PPP6R3: variants seen among roughly 807,000 people sequenced by gnomAD.
The protein encoded by PPP6R3 is protein phosphatase 6 regulatory subunit 3.
PPP6R3 carries 38 observed loss-of-function variants against 110.7 expected under a neutral mutation model. The ratio of observed to expected loss-of-function variants is 0.34; its 90% CI spans 0.26 to 0.45. The LOEUF is 0.45. Among genes scored for constraint, PPP6R3 ranks in the 20% least tolerant of loss-of-function variants. PPP6R3 has a pLI of 1.00. For synonymous variants in PPP6R3, 369 were observed against 373.5 expected (o/e 0.99, Z 0.14); for missense variants, 870 against 1,062.4 (o/e 0.82, Z 2.52).
In PPP6R3 at chr11:68,613,392, C is replaced by T; in HGVS notation, c.*275C>T. The T allele has an allele frequency of 8.6e-7, 1 of 1,160,056 alleles. No homozygotes were observed. The allele number at this position is 1,160,056 out of a possible 1,614,324, so 71.9% of individuals were successfully genotyped here. A position where few individuals can be genotyped will look rare whatever the true frequency, so the allele number is the denominator to read the frequency against. On this transcript the variant is annotated 3_prime_UTR_variant, in exon 24 of 24. Transcript: ENST00000393800. Reference sequence around the variant, plus strand: ...GCCTGTGAAATAAGATCTTGCCACCCATGTAATAATAGTAGTAATACTATA... The same window carrying T: ...GCCTGTGAAATAAGATCTTGCCACCTATGTAATAATAGTAGTAATACTATA...
At chr11:68,515,521 C>G (rs577751667) in intron 1 of PPP6R3, among the ~76,000 whole-genome samples, 87 of 152,306 alleles carry the variant, frequency 5.7e-4, no homozygotes, top group African/African-American at 2.0e-3. Context: ...AACCGATGTT[C>G]CAAAACACGC....
chr11:68,549,924 T>C (rs1304044433), intron 5 of PPP6R3, among the ~76,000 whole-genome samples: 3 of 152,216 alleles, frequency 2.0e-5, no homozygotes, highest in Non-Finnish European at 4.4e-5. Context: ...TGTGAATAGC[T>C]GTGGAGACAG....
At chr11:68,562,984 G>A (rs1178180769) in intron 8 of PPP6R3, among the ~76,000 whole-genome samples, 5 of 151,936 alleles carry the variant, frequency 3.3e-5, no homozygotes, top group East Asian at 1.9e-4. Context: ...TATTGATAAC[G>A]TGTGAGAAAA....
At chr11:68,504,271 T>C (rs866084441) in intron 1 of PPP6R3, among the ~76,000 whole-genome samples, 2 of 152,180 alleles carry the variant, frequency 1.3e-5, no homozygotes, top group Admixed American at 1.3e-4. Flanking sequence ...TTACTTTTTT[T>C]CATTAAAATT....
intron 1 of PPP6R3, among the ~76,000 whole-genome samples, chr11:68,476,135 T>G (rs374875377): frequency 2.0e-5 from 3 of 152,018 alleles, no homozygotes; most frequent in Admixed American, 1.3e-4. Context: ...AGGTTGTAGC[T>G]AGCCGAGATC....
At chr11:68,599,861 C>T (rs1391191038) in intron 19 of PPP6R3, among the ~76,000 whole-genome samples, 2 of 151,740 alleles carry the variant, frequency 1.3e-5, no homozygotes, top group Non-Finnish European at 2.9e-5. Context: ...CGGTGGCTCA[C>T]GCCTGTAATC....
Position 68,615,285 on chromosome 11 carries a change from AC to A in PPP6R3, c.*2170del. The A allele has an allele frequency of 2.8e-6, 1 of 353,994 alleles. No homozygotes were observed. The highest frequency in any genetic ancestry group is 5.6e-6 in the Non-Finnish European group (1 of 179,288). The allele number at this position is 353,994 out of a possible 1,614,324, so 21.9% of individuals were successfully genotyped here. ...GACTAACAGATGTCTACAATACAAT[AC>A]CTGTATTCAAAATAACAAAAATAAA... On this transcript the variant is annotated 3_prime_UTR_variant, in exon 24 of 24. Coordinates refer to ENST00000393800, the MANE Select transcript of PPP6R3 (RefSeq NM_001164161.2).
intron 2 of PPP6R3, among the ~76,000 whole-genome samples, chr11:68,520,929 G>A (rs142326186): frequency 1.3e-5 from 2 of 152,060 alleles, no homozygotes; most frequent in South Asian, 4.1e-4. Flanking sequence ...GCACCACCAC[G>A]CCCGGCTAAT....
At chr11:68,579,629 A>G (rs2099545132) in intron 14 of PPP6R3, among the ~76,000 whole-genome samples, 2 of 152,262 alleles carry the variant, frequency 1.3e-5, no homozygotes, top group South Asian at 2.1e-4. Context: ...AGATGGATAA[A>G]CAAATGAGTA....
intron 23 of PPP6R3, 181 bp from the exon 24 acceptor site, chr11:68,612,885 C>G: frequency 8.1e-7 from 1 of 1,227,540 alleles, no homozygotes; most frequent in Non-Finnish European, 1.1e-6. Context: ...CTTAGATGCA[C>G]TCACTCAGAT....
intron 1 of PPP6R3, among the ~76,000 whole-genome samples, chr11:68,479,196 A>C (rs2098877052): frequency 6.6e-6 from 1 of 152,176 alleles, no homozygotes; most frequent in Non-Finnish European, 1.5e-5. Context: ...ACAATTAAAA[A>C]ATAATGCGTG....
At chr11:68,581,322 AAGTT>A (rs778258619) in intron 14 of PPP6R3, among the ~76,000 whole-genome samples, 223 of 152,324 alleles carry the variant, frequency 1.5e-3, no homozygotes, top group Non-Finnish European at 2.7e-3. Context: ...AGTTCAATAA[AAGTT>A]AGTTTCTTTC....
chr11:68,467,384 T>C (rs1311432622), intron 1 of PPP6R3, among the ~76,000 whole-genome samples: 1 of 152,176 alleles, frequency 6.6e-6, no homozygotes, highest in Admixed American at 6.5e-5. Flanking sequence ...CAAGAAAAGA[T>C]GAATGAAAGA....
chr11:68,613,104 A>G lies in PPP6R3; in HGVS notation c.2609A>G (p.Asn870Ser), dbSNP rs1199897787. ...AGCGCACCAGGTGACACTTCAGTGA[A>G]TGGCCCTGTATGACGGGTGACGTCT... ...QPSAPGDTSV[N>S]GPV Residue 870 changes from asparagine (N) to serine (S), a missense_variant, in exon 24 of 24, where the codon AAT becomes AGT. By Grantham distance (46) the Asn-to-Ser change is conservative. Coordinates refer to ENST00000393800, the MANE Select transcript of PPP6R3 (RefSeq NM_001164161.2). 2.5e-5 allele frequency: 40 copies of G among 1,614,104 alleles called. No homozygotes were observed. The highest frequency in any genetic ancestry group is 3.4e-5 in the Non-Finnish European group (40 of 1,180,004).
At chr11:68,526,413 G>A (rs1004038773) in intron 2 of PPP6R3, among the ~76,000 whole-genome samples, 1 of 151,922 alleles carries the variant, frequency 6.6e-6, no homozygotes, top group African/African-American at 2.4e-5. Flanking sequence ...CTGATTTTTT[G>A]TACTTTCTGT....
At chr11:68,478,646 A>AATTTTT (rs1565292839) in intron 1 of PPP6R3, among the ~76,000 whole-genome samples, 1 of 10,754 alleles carries the variant, frequency 9.3e-5, no homozygotes, top group Non-Finnish European at 2.0e-4. Context: ...GCACTTGGTA[A>AATTTTT]GTTTTTTTTT....
chr11:68,482,211 C>T (rs2153384275), intron 1 of PPP6R3, among the ~76,000 whole-genome samples: 1 of 140,778 alleles, frequency 7.1e-6, no homozygotes, highest in African/African-American at 2.7e-5. Flanking sequence ...CATGGTGAAA[C>T]CCCATCTCTC....
chr11:68,518,720 A>G (rs2099149164), intron 1 of PPP6R3, among the ~76,000 whole-genome samples: 1 of 152,244 alleles, frequency 6.6e-6, no homozygotes, highest in African/African-American at 2.4e-5. Context: ...CAAATGTTTA[A>G]CATTATTTAT....
intron 1 of PPP6R3, among the ~76,000 whole-genome samples, chr11:68,484,498 A>G (rs1477322619): frequency 1.3e-5 from 2 of 151,840 alleles, no homozygotes; most frequent in Non-Finnish European, 2.9e-5. Flanking sequence ...GCTGTCTGTA[A>G]TGTTTGCTCA....
Sources: gnomAD v4.1 joint callset for allele counts (sites outside exome capture counted in the v4.1 genomes callset) on GRCh38, gnomAD v4.1.1 for gene constraint, MANE v1.5 for transcripts, NCBI Gene and HGNC (gene_info 2026-07-23, HGNC 2026-07-21) for gene names.